CNKSR3: variants seen among roughly 807,000 people sequenced by gnomAD.
CNKSR3 encodes the protein CNKSR family member 3.
CNKSR3 carries 36 observed loss-of-function variants against 67.7 expected under a neutral mutation model. The ratio of observed to expected loss-of-function variants is 0.53; its 90% CI spans 0.41 to 0.70. The LOEUF (loss-of-function observed/expected upper bound fraction) is 0.70. Among genes scored for constraint, CNKSR3 ranks in the 30% least tolerant of loss-of-function variants. The pLI is 0.00. For missense variants in CNKSR3, 630 were observed against 695.2 expected (o/e 0.91, Z 1.05); for synonymous variants, 281 against 271.4 (o/e 1.04, Z -0.35).
At chr6:154,469,872 A>C (rs1379638073) in intron 1 of CNKSR3, among the ~76,000 whole-genome samples, 2 of 152,182 alleles carry the variant, frequency 1.3e-5, no homozygotes, top group African/African-American at 4.8e-5. Context: ...AGATAACATA[A>C]AGTCTATTAA....
intron 1 of CNKSR3, among the ~76,000 whole-genome samples, chr6:154,451,479 ACACACACGCACACACGCATACATG>A (rs1295639632): frequency 0.012 from 819 of 68,382 alleles, 10 homozygotes; most frequent in African/African-American, 0.049. Context: ...ACGCGCACAC[ACACACACGCACACACGCATACATG>A]CACACACACG....
chr6:154,502,885 A>G (rs1787026377), intron 1 of CNKSR3, among the ~76,000 whole-genome samples: 1 of 152,160 alleles, frequency 6.6e-6, no homozygotes, highest in African/African-American at 2.4e-5. Flanking sequence ...CTAGAAGACA[A>G]CACGCTGGGT....
Position 154,454,104 on chromosome 6 carries a change from C to CAG in CNKSR3, c.53-3848_53-3847dup, listed in dbSNP as rs71021054. ...GAAAACACACACACACACACACACA[C>CAG]AGAGAGAGAGAGAGAGAGAGAGAGA... On this transcript the variant is annotated intron_variant, in intron 1 of 12. Transcript: ENST00000607772. 6.7e-3 allele frequency among the ~76,000 whole-genome samples: 780 copies of CAG among 116,266 alleles called. 5 individuals are homozygous for CAG. Among genetic ancestry groups the CAG allele is most frequent in the Middle Eastern group, 0.025 (6 of 242 alleles). 76.3% of individuals were successfully genotyped at this position (116,266 alleles called of 152,430 possible).
rs187369648 is a variant in CNKSR3, at chr6:154,388,083, G to T, written c.*18271C>A. The stretch of plus-strand genomic sequence containing the variant: ...GTTCAGTGTACACTGCAGTATTGTT[G>T]ACTATAGGTGCAATATTGTACCACA... On this transcript the variant is annotated 3_prime_UTR_variant, in exon 13 of 13. Coordinates refer to ENST00000607772, the MANE Select transcript of CNKSR3 (RefSeq NM_173515.4). 1 of 151,374 alleles carries T rather than the reference G, an allele frequency of 6.6e-6. No individual in the cohort carries two copies. The highest frequency in any genetic ancestry group is 1.9e-4 in the East Asian group (1 of 5,152). 9.4% of individuals were successfully genotyped at this position (151,374 alleles called of 1,614,324 possible). A position where few individuals can be genotyped will look rare whatever the true frequency, so the allele number is the denominator to read the frequency against.
chr6:154,446,843 C>T (rs1785717176), intron 2 of CNKSR3, among the ~76,000 whole-genome samples: 2 of 143,020 alleles, frequency 1.4e-5, no homozygotes, highest in Non-Finnish European at 3.0e-5. Flanking sequence ...CTCACTCTGT[C>T]GCCCAGGCTG....
intron 1 of CNKSR3, among the ~76,000 whole-genome samples, chr6:154,477,732 A>AT (rs1219721098): frequency 6.6e-6 from 1 of 152,204 alleles, no homozygotes. Flanking sequence ...AGGTAGCCTG[A>AT]AGAGCAGGAC....
intron 1 of CNKSR3, among the ~76,000 whole-genome samples, chr6:154,497,896 G>A (rs565688565): frequency 4.6e-5 from 7 of 152,302 alleles, no homozygotes; most frequent in African/African-American, 1.7e-4. Flanking sequence ...ACTAATTTAC[G>A]TAGGACCCCA....
intron 1 of CNKSR3, among the ~76,000 whole-genome samples, chr6:154,451,180 C>T (rs1323247069): frequency 1.3e-4 from 20 of 152,106 alleles, no homozygotes; most frequent in Non-Finnish European, 1.5e-5. Flanking sequence ...CCAAAAGTGC[C>T]GTATTTTAAT....
At chr6:154,469,927 C>T (rs138655281) in intron 1 of CNKSR3, among the ~76,000 whole-genome samples, 1 of 152,178 alleles carries the variant, frequency 6.6e-6, no homozygotes, top group African/African-American at 2.4e-5. Flanking sequence ...TCATGACATA[C>T]CTTTTTCTTA....
rs1784690278 is a variant in CNKSR3 at position 154,399,085 on chromosome 6, A to G, written c.*7269T>C. On this transcript the variant is annotated 3_prime_UTR_variant, in exon 13 of 13. Coordinates refer to ENST00000607772, the MANE Select transcript of CNKSR3 (RefSeq NM_173515.4). ...CAAGACTGAAACTCCGTCTCAAAAA[A>G]AAAAAAAAAAGTGTGTCCAATCACA... 1 of 152,236 alleles carries G rather than the reference A, an allele frequency of 6.6e-6. No individual in the cohort carries two copies. Among genetic ancestry groups the G allele is most frequent in the African/African-American group, 2.4e-5 (1 of 41,456 alleles). The allele number at this position is 152,236 out of a possible 1,614,324, so 9.4% of individuals were successfully genotyped here.
intron 1 of CNKSR3, among the ~76,000 whole-genome samples, chr6:154,489,005 C>T (rs1786730431): frequency 6.6e-6 from 1 of 152,076 alleles, no homozygotes; most frequent in African/African-American, 2.4e-5. Flanking sequence ...AAGGGGAGGG[C>T]GAGCGGCCAC....
intron 10 of CNKSR3, among the ~76,000 whole-genome samples, chr6:154,412,234 C>T (rs1400210646): frequency 1.3e-5 from 2 of 152,162 alleles, no homozygotes; most frequent in African/African-American, 2.4e-5. Context: ...ACCTTTAAAC[C>T]GGGCATATAA....
chr6:154,415,097 CAAAAAAAA>C (rs1157415390), intron 9 of CNKSR3, among the ~76,000 whole-genome samples: 1 of 33,238 alleles, frequency 3.0e-5, no homozygotes, highest in Non-Finnish European at 7.8e-5. Flanking sequence ...GACTCTGTCT[CAAAAAAAA>C]AAAAAAAAAA....
At chr6:154,454,245 T>C (rs1353290248) in intron 1 of CNKSR3, among the ~76,000 whole-genome samples, 1 of 152,114 alleles carries the variant, frequency 6.6e-6, no homozygotes, top group Non-Finnish European at 1.5e-5. Context: ...ATACTAATAC[T>C]ACCCACTACA....
At chr6:154,493,663 T>A (rs1418850554) in intron 1 of CNKSR3, among the ~76,000 whole-genome samples, 5 of 152,136 alleles carry the variant, frequency 3.3e-5, no homozygotes, top group African/African-American at 1.2e-4. Flanking sequence ...GACTCATAGT[T>A]CTGCAGGCTT....
chr6:154,493,192 T>C (rs1334786517), intron 1 of CNKSR3, among the ~76,000 whole-genome samples: 1 of 152,170 alleles, frequency 6.6e-6, no homozygotes, highest in Non-Finnish European at 1.5e-5. Flanking sequence ...ATGCACTCGC[T>C]GTTCCCTTTG....
At chr6:154,470,508 G>A (rs553230492) in intron 1 of CNKSR3, among the ~76,000 whole-genome samples, 1 of 152,112 alleles carries the variant, frequency 6.6e-6, no homozygotes, top group Non-Finnish European at 1.5e-5. Flanking sequence ...TGCCTGTTCT[G>A]AATATTTCAT....
intron 1 of CNKSR3, among the ~76,000 whole-genome samples, chr6:154,497,204 A>G (rs901107433): frequency 6.6e-6 from 1 of 151,596 alleles, no homozygotes; most frequent in African/African-American, 2.4e-5. Context: ...CGGAAACATA[A>G]TGAGACCTCG....
At chr6:154,443,666 C>T (rs765856243) in intron 2 of CNKSR3, among the ~76,000 whole-genome samples, 14 of 151,986 alleles carry the variant, frequency 9.2e-5, no homozygotes, top group Non-Finnish European at 1.2e-4. Context: ...CAAAAAAAAA[C>T]ACAGCAGCAC....
Sources: gnomAD v4.1 joint callset for allele counts (sites outside exome capture counted in the v4.1 genomes callset) on GRCh38, gnomAD v4.1.1 for gene constraint, MANE v1.5 for transcripts, NCBI Gene and HGNC (gene_info 2026-07-23, HGNC 2026-07-21) for gene names.